The following DGKI variants were observed in gnomAD, a reference collection of about 807,000 sequenced individuals.
DGKI encodes the protein DAG kinase iota.
A neutral mutation model predicts 147.5 loss-of-function variants in DGKI; 55 were observed. The observed-to-expected ratio is 0.37, with a 90% CI of 0.30 to 0.47. The LOEUF (loss-of-function observed/expected upper bound fraction) is 0.47, where lower values mean the gene tolerates loss of function less well. Among genes scored for constraint, DGKI ranks in the 20% least tolerant of loss-of-function variants. DGKI has a pLI of 1.00. For synonymous variants in DGKI, 469 were observed against 477.1 expected (o/e 0.98, Z 0.22); for missense variants, 1,007 against 1,323.8 (o/e 0.76, Z 3.71).
chr7:137,517,241 G>T (rs1257932972), intron 21 of DGKI, among the ~76,000 whole-genome samples: 2 of 99,826 alleles, frequency 2.0e-5, no homozygotes, highest in Non-Finnish European at 3.9e-5. Flanking sequence ...AAGAAAGAAA[G>T]AAAGAAAAGA....
chr7:137,528,016 G>T (rs971524894), intron 20 of DGKI, among the ~76,000 whole-genome samples: 2 of 152,150 alleles, frequency 1.3e-5, no homozygotes, highest in Non-Finnish European at 2.9e-5. Context: ...CTAGAACAAT[G>T]CCTGGTCCAT....
intron 1 of DGKI, among the ~76,000 whole-genome samples, chr7:137,813,861 A>C (rs952267215): frequency 3.3e-5 from 5 of 152,190 alleles, no homozygotes; most frequent in African/African-American, 2.4e-5. Context: ...AGGATATCTA[A>C]TAACGCTAAT....
At chr7:137,476,818 A>G (rs1294330608) in intron 23 of DGKI, among the ~76,000 whole-genome samples, 4 of 152,194 alleles carry the variant, frequency 2.6e-5, no homozygotes, top group Non-Finnish European at 4.4e-5. Context: ...AGAAGCCCCA[A>G]GCTATTCAGT....
intron 28 of DGKI, among the ~76,000 whole-genome samples, chr7:137,435,714 C>G (rs998501787): frequency 1.1e-4 from 17 of 152,142 alleles, no homozygotes; most frequent in African/African-American, 4.1e-4. Flanking sequence ...TACTGTGACG[C>G]TCAGTACAGT....
chr7:137,562,012 T>C (rs564901841), intron 19 of DGKI, among the ~76,000 whole-genome samples: 4 of 152,274 alleles, frequency 2.6e-5, no homozygotes, highest in Non-Finnish European at 5.9e-5. Context: ...AACTTCACTA[T>C]AAGAAATGTT....
At chr7:137,545,901 T>G (rs1279236500) in intron 20 of DGKI, 2 of 702,510 alleles carry the variant, frequency 2.8e-6, no homozygotes, top group Non-Finnish European at 5.2e-6. Context: ...TGTACTCACA[T>G]GGTGAAGGAG....
chr7:137,629,892 G>A lies in DGKI; in HGVS notation c.805-6338C>T, dbSNP rs373895088. On this transcript the variant is annotated intron_variant, in intron 6 of 32. Transcript: ENST00000614521. ...GTTTTCTCACAGTGTAAAAATGGTA[G>A]CATAATATTCTAGACTTTGCAAAAC... Among the ~76,000 whole-genome samples the A allele has an allele frequency of 1.9e-4, 29 of 152,200 alleles. 1 individual carries two copies. The South Asian group carries it at 5.2e-3, about 27-fold the overall frequency.
At chr7:137,426,589 A>C (rs1327557918) in intron 28 of DGKI, among the ~76,000 whole-genome samples, 2 of 152,218 alleles carry the variant, frequency 1.3e-5, no homozygotes, top group Non-Finnish European at 2.9e-5. Flanking sequence ...GCTCCAATTA[A>C]AAGACACAGA....
chr7:137,686,287 T>C (rs964141550), intron 2 of DGKI, among the ~76,000 whole-genome samples: 16 of 152,184 alleles, frequency 1.1e-4, no homozygotes, highest in African/African-American at 3.1e-4. Flanking sequence ...AGAAAATCTC[T>C]AGAGGAAATA....
At chr7:137,407,724 G>A in intron 30 of DGKI, 151 bp downstream of exon 30, 1 of 961,288 alleles carries the variant, frequency 1.0e-6, no homozygotes. Context: ...AACCACGACT[G>A]CCTCAAATAA....
At chr7:137,556,888 G>C (rs1172324319) in intron 19 of DGKI, among the ~76,000 whole-genome samples, 1 of 152,138 alleles carries the variant, frequency 6.6e-6, no homozygotes, top group Non-Finnish European at 1.5e-5. Flanking sequence ...ATGCTTCTAT[G>C]AAAGTATTTT....
At position 137,846,737 on chromosome 7, in the gene DGKI, G is replaced by T; in HGVS notation, c.126C>A (p.Cys42Ter). 3 of 1,010,814 alleles carry T rather than the reference G, an allele frequency of 3.0e-6. No homozygotes were observed. Among genetic ancestry groups the T allele is most frequent in the Non-Finnish European group, 3.5e-6 (3 of 849,358 alleles). 62.6% of individuals were successfully genotyped at this position (1,010,814 alleles called of 1,614,324 possible). A position where few individuals can be genotyped will look rare whatever the true frequency, so the allele number is the denominator to read the frequency against. ...SPPGPCSGAA[C>*]APSAAAGAGA... ...CCGCTCCGGCGGCCGCGGAGGGAGC[G>T]CAGGCGGCGCCGCTGCAGGGGCCGG... The change falls in exon 1 of 33, where the codon TGC becomes TGA. Residue 42 changes from cysteine (C) to a stop codon, truncating the protein, a stop_gained. Transcript: ENST00000614521. LOFTEE classifies it high-confidence loss of function. This position sits in a 1 kb window ranked among gnomAD's most constrained non-coding sequence, Gnocchi z 4.0.
intron 6 of DGKI, among the ~76,000 whole-genome samples, chr7:137,641,364 A>G (rs564932707): frequency 6.6e-6 from 1 of 152,358 alleles, no homozygotes; most frequent in South Asian, 2.1e-4. Context: ...TTAACTATGT[A>G]TTACAGGTTG....
intron 20 of DGKI, among the ~76,000 whole-genome samples, chr7:137,525,166 A>G (rs1157997581): frequency 6.6e-6 from 1 of 152,132 alleles, no homozygotes; most frequent in African/African-American, 2.4e-5. Flanking sequence ...ATCTCAGTTC[A>G]TCTCCAGAAT....
intron 10 of DGKI, among the ~76,000 whole-genome samples, chr7:137,607,349 T>C (rs531628467): frequency 3.3e-5 from 5 of 152,334 alleles, no homozygotes; most frequent in Middle Eastern, 3.4e-3. Context: ...AAGATGTCTT[T>C]AGAAAATTCA....
rs754412636 is a variant in DGKI, at chr7:137,397,360, T to C, written c.2957+17A>G. The C allele has an allele frequency of 6.8e-6, 11 of 1,611,962 alleles. No individual in the cohort carries two copies. In the Admixed American group the frequency reaches 1.7e-4, roughly 24 times the overall value. ...GAAGAAAATAACCTAGACTATGTAA[T>C]AAAAGGCAACACTCACGTTTCACTG... On this transcript the variant is annotated intron_variant, in intron 31 of 32. Transcript: ENST00000614521.
At position 137,415,848 on chromosome 7, in the gene DGKI, G is replaced by A. The variant is rs149365157; in HGVS notation, c.2762-3641C>T. Among the ~76,000 whole-genome samples the A allele has an allele frequency of 5.5e-3, 840 of 152,240 alleles. 7 individuals carry two copies. The highest frequency in any genetic ancestry group is 0.019 in the African/African-American group (794 of 41,542). ...TAAAAAAATATAAAAAATTGGCCAGGTGTGGTGGTGGGCGCCCGTAATCCC... is the reference window on the plus strand; with the variant it reads ...TAAAAAAATATAAAAAATTGGCCAGATGTGGTGGTGGGCGCCCGTAATCCC... On this transcript the variant is annotated intron_variant, in intron 28 of 32. Coordinates refer to ENST00000614521, the MANE Select transcript of DGKI (RefSeq NM_001321708.2).
chr7:137,622,919 A>G (rs1820801089), intron 7 of DGKI, among the ~76,000 whole-genome samples: 1 of 152,246 alleles, frequency 6.6e-6, no homozygotes, highest in African/African-American at 2.4e-5. Context: ...GTTCAAATGT[A>G]AGAAAGAGCT....
At chr7:137,535,069 C>T (rs1817471871) in intron 20 of DGKI, among the ~76,000 whole-genome samples, 1 of 152,090 alleles carries the variant, frequency 6.6e-6, no homozygotes, top group South Asian at 2.1e-4. Flanking sequence ...TTTCAGCCTC[C>T]AGAACTGTAA....
Sources: allele counts gnomAD v4.1 joint callset (sites outside exome capture counted in the v4.1 genomes callset), GRCh38; gene constraint gnomAD v4.1.1; non-coding constraint Gnocchi (gnomAD v3.1); transcripts MANE v1.5; gene names NCBI Gene and HGNC (gene_info 2026-07-23, HGNC 2026-07-21).